The following TMEM131 variants were observed in gnomAD, a reference collection of about 807,000 sequenced individuals.
TMEM131 encodes transmembrane protein 131.
In TMEM131, 66 loss-of-function variants were observed where a neutral mutation model predicts 211.6. The ratio of observed to expected loss-of-function variants is 0.31; its 90% CI spans 0.26 to 0.38. The LOEUF (loss-of-function observed/expected upper bound fraction) is 0.38. Among genes scored for constraint, TMEM131 ranks in the 10% least tolerant of loss-of-function variants. The pLI, the probability that TMEM131 is intolerant of heterozygous loss-of-function variation, is 1.00. For missense variants in TMEM131, 2,036 were observed against 2,299.3 expected, an observed-to-expected ratio of 0.89 and a Z score of 2.34; for synonymous variants, 844 against 841.3, an observed-to-expected ratio of 1.00 and a Z score of -0.06.
At chr2:97,918,610 CA>C (rs1676609793) in intron 2 of TMEM131, among the ~76,000 whole-genome samples, 1 of 151,928 alleles carries the variant, frequency 6.6e-6, no homozygotes, top group African/African-American at 2.4e-5. Flanking sequence ...ACAACAACAA[CA>C]AAAACAACAA....
At chr2:97,863,459 A>AG (rs1674148286) in intron 4 of TMEM131, among the ~76,000 whole-genome samples, 1 of 152,226 alleles carries the variant, frequency 6.6e-6, no homozygotes, top group South Asian at 2.1e-4. Context: ...GTTAAGAGAC[A>AG]GCTCACAGAA....
chr2:97,919,145 T>G (rs1249696601), intron 2 of TMEM131, among the ~76,000 whole-genome samples: 1 of 152,160 alleles, frequency 6.6e-6, no homozygotes, highest in Non-Finnish European at 1.5e-5. Flanking sequence ...TTAGCCTTAG[T>G]GGTACCAAAA....
rs1559344970 is a variant in TMEM131 at position 97,766,107 on chromosome 2, TA to T, written c.4723+6del. ...GAGCCCTGTGGTTTCTAAACTACTATACTTACAGCTGCCAGGTTTGTGAACT... is the reference window on the plus strand; with the variant it reads ...GAGCCCTGTGGTTTCTAAACTACTATCTTACAGCTGCCAGGTTTGTGAACT... On this transcript the variant is annotated splice_donor_region_variant and intron_variant, in intron 35 of 40. Coordinates refer to ENST00000186436, the MANE Select transcript of TMEM131 (RefSeq NM_015348.2). 1 of 1,613,980 alleles carries T rather than the reference TA, an allele frequency of 6.2e-7. No individual in the cohort carries two copies. Among genetic ancestry groups the T allele is most frequent in the African/African-American group, 1.3e-5 (1 of 75,054 alleles).
intron 1 of TMEM131, among the ~76,000 whole-genome samples, chr2:97,929,426 T>C (rs1301775194): frequency 1.3e-5 from 2 of 151,854 alleles, no homozygotes; most frequent in African/African-American, 4.9e-5. Flanking sequence ...TGGCTTAATA[T>C]GGAATTCACT....
intron 11 of TMEM131, 127 bp downstream of exon 11, chr2:97,833,238 C>G (rs959178995): frequency 1.3e-5 from 7 of 546,260 alleles, no homozygotes; most frequent in Non-Finnish European, 1.9e-5. Context: ...ACACTTAGAA[C>G]CAAAGTGTCA....
intron 4 of TMEM131, among the ~76,000 whole-genome samples, chr2:97,887,543 T>TG (rs1675212221): frequency 1.3e-5 from 2 of 151,944 alleles, no homozygotes. Context: ...CTCTCCTGCT[T>TG]GGGGGAGGGT....
chr2:97,913,804 A>T (rs1309888493), intron 2 of TMEM131, among the ~76,000 whole-genome samples: 1 of 152,216 alleles, frequency 6.6e-6, no homozygotes, highest in Non-Finnish European at 1.5e-5. Context: ...TGGTACAGGC[A>T]GCACATGCAC....
intron 7 of TMEM131, among the ~76,000 whole-genome samples, chr2:97,838,426 C>CTTTTTTTTTTTTTTTT (rs753635047): frequency 2.2e-5 from 2 of 89,084 alleles, no homozygotes; most frequent in African/African-American, 8.5e-5. Context: ...TAAGCTTAAA[C>CTTTTTTTTTTTTTTTT]TTTTTTTTTT....
At chr2:97,950,967 G>C (rs1318752388) in intron 1 of TMEM131, among the ~76,000 whole-genome samples, 1 of 152,198 alleles carries the variant, frequency 6.6e-6, no homozygotes, top group Non-Finnish European at 1.5e-5. Context: ...AACAAACCAA[G>C]AGGAACTCAT....
chr2:97,950,056 G>A (rs1456869509), intron 1 of TMEM131, among the ~76,000 whole-genome samples: 1 of 152,112 alleles, frequency 6.6e-6, no homozygotes, highest in Non-Finnish European at 1.5e-5. Context: ...ACTATGTTTT[G>A]TGAGGATGAT....
intron 2 of TMEM131, among the ~76,000 whole-genome samples, chr2:97,910,026 A>T (rs1676229218): frequency 6.6e-6 from 1 of 152,218 alleles, no homozygotes; most frequent in South Asian, 2.1e-4. Context: ...GAACTCCTGC[A>T]ACTCAATAAC....
intron 1 of TMEM131, among the ~76,000 whole-genome samples, chr2:97,941,727 C>G (rs1380503990): frequency 6.6e-6 from 1 of 152,182 alleles, no homozygotes; most frequent in Non-Finnish European, 1.5e-5. Context: ...TGAAAAAATA[C>G]TCATCATCAC....
chr2:97,960,674 C>T (rs1678775217), intron 1 of TMEM131, among the ~76,000 whole-genome samples: 1 of 151,952 alleles, frequency 6.6e-6, no homozygotes, highest in Admixed American at 6.6e-5. Context: ...AAAATCCTTC[C>T]CAACTCATTT....
At chr2:97,887,714 A>G in intron 4 of TMEM131, 1 of 187,892 alleles carries the variant, frequency 5.3e-6, no homozygotes, top group African/African-American at 2.4e-5. Flanking sequence ...AATAGAATAT[A>G]TTTTATTCAT....
chr2:97,900,558 A>C (rs1053232211), intron 3 of TMEM131, among the ~76,000 whole-genome samples: 1 of 152,002 alleles, frequency 6.6e-6, no homozygotes, highest in Admixed American at 6.6e-5. Flanking sequence ...ACTATTAAGA[A>C]TCCACACAGA....
chr2:97,930,703 A>G (rs1484484810), intron 1 of TMEM131, among the ~76,000 whole-genome samples: 1 of 152,002 alleles, frequency 6.6e-6, no homozygotes, highest in East Asian at 1.9e-4. Context: ...GCAGTTATTA[A>G]GCTATAAAAT....
intron 5 of TMEM131, among the ~76,000 whole-genome samples, chr2:97,856,576 T>G (rs995954730): frequency 6.6e-6 from 1 of 152,208 alleles, no homozygotes; most frequent in African/African-American, 2.4e-5. Context: ...TAGACAATGT[T>G]TTATTGTCAA....
chr2:97,863,325 C>T (rs1674143055), intron 4 of TMEM131, among the ~76,000 whole-genome samples: 1 of 152,140 alleles, frequency 6.6e-6, no homozygotes, highest in Non-Finnish European at 1.5e-5. Context: ...CTCTCCAGGA[C>T]GTTGGAGTGG....
chr2:97,945,251 G>A (rs186870711), intron 1 of TMEM131, among the ~76,000 whole-genome samples: 6 of 152,158 alleles, frequency 3.9e-5, no homozygotes, highest in African/African-American at 7.2e-5. Context: ...TATAGGAAAC[G>A]TCCAGAATAG....
Sources: gnomAD v4.1 joint callset for allele counts (sites outside exome capture counted in the v4.1 genomes callset) on GRCh38, gnomAD v4.1.1 for gene constraint, MANE v1.5 for transcripts, NCBI Gene and HGNC (gene_info 2026-07-23, HGNC 2026-07-21) for gene names.